The following CTNND2 variants were observed in gnomAD, a reference collection of about 807,000 sequenced individuals.
The protein encoded by CTNND2 is catenin delta-2.
A neutral mutation model predicts 144.4 loss-of-function variants in CTNND2; 22 were observed. The observed-to-expected ratio is 0.15, with a 90% CI of 0.11 to 0.22. The LOEUF (loss-of-function observed/expected upper bound fraction) is 0.22. Ranked by LOEUF, CTNND2 falls within the 10% of genes least tolerant of loss-of-function variation. The pLI is 1.00. For missense variants in CTNND2, 1,353 were observed against 1,618.8 expected, an observed-to-expected ratio of 0.84 and a Z score of 2.82; for synonymous variants, 751 against 695.6, an observed-to-expected ratio of 1.08 and a Z score of -1.25.
intron 10 of CTNND2, among the ~76,000 whole-genome samples, chr5:11,213,374 C>T (rs770871754): frequency 3.3e-5 from 5 of 152,174 alleles, no homozygotes; most frequent in Non-Finnish European, 7.3e-5. Flanking sequence ...TCTTTCGAGA[C>T]TCCACAAACT....
chr5:11,422,193 C>G (rs1294691295), intron 3 of CTNND2, among the ~76,000 whole-genome samples: 1 of 150,978 alleles, frequency 6.6e-6, no homozygotes, highest in East Asian at 1.9e-4. Context: ...GTTACAGGCT[C>G]TGTAGAATTT....
At chr5:11,447,105 C>A (rs61755468) in intron 3 of CTNND2, among the ~76,000 whole-genome samples, 5,477 of 152,058 alleles carry the variant, frequency 0.036, 332 homozygotes, top group African/African-American at 0.12. Flanking sequence ...ATCTGTCAGG[C>A]GGCTAAGGCG....
At chr5:11,641,903 G>C (rs1227702315) in intron 2 of CTNND2, among the ~76,000 whole-genome samples, 1 of 151,524 alleles carries the variant, frequency 6.6e-6, no homozygotes, top group African/African-American at 2.4e-5. Context: ...GGATTCTTTA[G>C]GTAATACAAA....
chr5:11,219,443 G>A (rs1739550548), intron 10 of CTNND2, among the ~76,000 whole-genome samples: 2 of 152,120 alleles, frequency 1.3e-5, no homozygotes, highest in Non-Finnish European at 2.9e-5. Flanking sequence ...AGGTATTTAG[G>A]TTTTACTTAT....
chr5:11,159,595 T>C lies in CTNND2; in HGVS notation c.2140A>G (p.Asn714Asp). 6.2e-7 allele frequency: 1 copy of C among 1,612,002 alleles called. No homozygotes were observed. The highest frequency in any genetic ancestry group is 8.5e-7 in the Non-Finnish European group (1 of 1,179,096). The change falls in exon 12 of 22, where the codon AAC becomes GAC. Residue 714 changes from asparagine to aspartate, a missense_variant. By Grantham distance (23) the Asn-to-Asp change is conservative. Transcript: ENST00000304623. ...IQLHSSQVLR[N>D]ATGCLRNVSS... ...ACTGACCTTAGGCACCCGGTGGCGT[T>C]ACGCAGCACCTGTGATGAATGCAGC... is the stretch of plus-strand genomic sequence containing the variant.
chr5:11,262,779 A>G (rs1745030515), intron 9 of CTNND2, among the ~76,000 whole-genome samples: 1 of 148,614 alleles, frequency 6.7e-6, no homozygotes, highest in Non-Finnish European at 1.5e-5. Context: ...AAAAAAAAAA[A>G]AAAAAAAAAG....
intron 18 of CTNND2, among the ~76,000 whole-genome samples, chr5:11,006,249 A>T (rs565824423): frequency 6.6e-6 from 1 of 152,296 alleles, no homozygotes; most frequent in East Asian, 1.9e-4. Flanking sequence ...ACAGAGAAAG[A>T]TGTGTCAGGG....
chr5:10,981,715 G>A, intron 21 of CTNND2, 58 bp downstream of exon 21: 1 of 1,472,420 alleles, frequency 6.8e-7, no homozygotes, highest in Non-Finnish European at 9.4e-7. Context: ...TAAAATTCCA[G>A]GTTATTTCAC....
At chr5:11,466,405 A>G (rs1289382196) in intron 3 of CTNND2, among the ~76,000 whole-genome samples, 1 of 152,194 alleles carries the variant, frequency 6.6e-6, no homozygotes, top group Non-Finnish European at 1.5e-5. Flanking sequence ...CTGTCAATTT[A>G]CTACTAAGTT....
chr5:11,829,645 C>T (rs1331998351), intron 1 of CTNND2, among the ~76,000 whole-genome samples: 1 of 152,196 alleles, frequency 6.6e-6, no homozygotes, highest in Non-Finnish European at 1.5e-5. Flanking sequence ...GATGTCCAGG[C>T]AGTAGTTTGC....
chr5:10,983,253 C>T (rs990698924), intron 20 of CTNND2, among the ~76,000 whole-genome samples: 4 of 152,158 alleles, frequency 2.6e-5, no homozygotes, highest in Admixed American at 1.3e-4. Flanking sequence ...CAAAAAATCA[C>T]ATGGACCCCA....
At chr5:11,423,506 T>C (rs527930485) in intron 3 of CTNND2, among the ~76,000 whole-genome samples, 49 of 152,346 alleles carry the variant, frequency 3.2e-4, no homozygotes, top group Non-Finnish European at 5.6e-4. Flanking sequence ...GAATTATCCC[T>C]GTTGTCGGAC....
At chr5:11,279,737 G>C (rs776269970) in intron 9 of CTNND2, among the ~76,000 whole-genome samples, 8 of 152,120 alleles carry the variant, frequency 5.3e-5, no homozygotes, top group Non-Finnish European at 1.2e-4. Flanking sequence ...CTGCTTCTGG[G>C]GAGGCCTCAG....
intron 2 of CTNND2, among the ~76,000 whole-genome samples, chr5:11,569,075 G>T (rs1240641555): frequency 6.6e-6 from 1 of 152,150 alleles, no homozygotes; most frequent in Non-Finnish European, 1.5e-5. Context: ...CTGGGGTAAA[G>T]GATCACTAGT....
chr5:11,311,133 T>A (rs982600179), intron 9 of CTNND2, among the ~76,000 whole-genome samples: 6 of 132,870 alleles, frequency 4.5e-5, no homozygotes, highest in South Asian at 2.6e-4. Flanking sequence ...CACATGCACA[T>A]ACACTGTCAC....
chr5:11,698,375 G>A (rs1054631250), intron 2 of CTNND2, among the ~76,000 whole-genome samples: 2 of 149,672 alleles, frequency 1.3e-5, no homozygotes, highest in South Asian at 2.1e-4. Flanking sequence ...TGAAACCTCC[G>A]CCTCCTGGGT....
At chr5:11,594,349 A>G (rs1779404524) in intron 2 of CTNND2, among the ~76,000 whole-genome samples, 1 of 152,226 alleles carries the variant, frequency 6.6e-6, no homozygotes. Flanking sequence ...GCAAAAACCA[A>G]AATTTTTCTG....
At chr5:11,121,287 T>C (rs1754114611) in intron 12 of CTNND2, among the ~76,000 whole-genome samples, 1 of 152,214 alleles carries the variant, frequency 6.6e-6, no homozygotes, top group Non-Finnish European at 1.5e-5. Context: ...TGACAATTAA[T>C]CAATGTTCAA....
chr5:11,523,851 C>T (rs1207860051), intron 3 of CTNND2, among the ~76,000 whole-genome samples: 1 of 152,166 alleles, frequency 6.6e-6, no homozygotes, highest in East Asian at 1.9e-4. Context: ...ACAATGAGCC[C>T]ATGTTGCTGT....
Sources: gnomAD v4.1 joint callset for allele counts (sites outside exome capture counted in the v4.1 genomes callset) on GRCh38, gnomAD v4.1.1 for gene constraint, MANE v1.5 for transcripts, NCBI Gene and HGNC (gene_info 2026-07-23, HGNC 2026-07-21) for gene names.